The following LIPC variants were observed in gnomAD, a reference collection of about 807,000 sequenced individuals.
LIPC encodes lipase C, hepatic type, also known as hepatic triacylglycerol lipase.
A neutral mutation model predicts 50.7 loss-of-function variants in LIPC; 44 were observed. The ratio of observed to expected loss-of-function variants is 0.87; its 90% CI spans 0.68 to 1.11. The LOEUF (loss-of-function observed/expected upper bound fraction) is 1.11. Ranked by LOEUF, LIPC falls within the 50% of genes most tolerant of loss-of-function variation. The pLI is 0.00. For missense variants in LIPC, 697 were observed against 648.2 expected (o/e 1.08, Z -0.82); for synonymous variants, 271 against 256.4 (o/e 1.06, Z -0.54).
chr15:58,457,565 A>T (rs1566913734), intron 1 of LIPC, among the ~76,000 whole-genome samples: 1 of 152,164 alleles, frequency 6.6e-6, no homozygotes. Context: ...AGCATGTAAG[A>T]CCACTTCTGC....
rs1263847321 is a variant in LIPC, at chr15:58,565,916, A to C, written c.1388+2193A>C. 3.0e-3 allele frequency: 2,721 copies of C among 895,796 alleles called. 2 individuals carry two copies. The highest frequency in any genetic ancestry group is 3.3e-3 in the Non-Finnish European group (2,489 of 747,842). 55.5% of individuals were successfully genotyped at this position (895,796 alleles called of 1,614,324 possible). On this transcript the variant is annotated intron_variant, in intron 8 of 8. Transcript: ENST00000299022. ...TGCCAGGTACTATCGGAGAATACAAAAAAAAAAAAAAAAATCTGAGTTGTG... is the reference window on the plus strand; with the variant it reads ...TGCCAGGTACTATCGGAGAATACAACAAAAAAAAAAAAAATCTGAGTTGTG...
intron 6 of LIPC, among the ~76,000 whole-genome samples, chr15:58,554,939 C>T (rs1363119377): frequency 1.3e-5 from 2 of 152,200 alleles, no homozygotes; most frequent in South Asian, 2.1e-4. Flanking sequence ...GCCATCAGCG[C>T]AGGTTCCGTC....
chr15:58,467,033 TAATA>T (rs1894592746), intron 1 of LIPC, among the ~76,000 whole-genome samples: 1 of 152,228 alleles, frequency 6.6e-6, no homozygotes, highest in African/African-American at 2.4e-5. Context: ...TACTTATATA[TAATA>T]GTTATAACTT....
chr15:58,553,616 A>G (rs563547955), intron 6 of LIPC, among the ~76,000 whole-genome samples: 1 of 152,318 alleles, frequency 6.6e-6, no homozygotes, highest in South Asian at 2.1e-4. Flanking sequence ...TTAATTTTAA[A>G]AAGAAAGGGG....
At position 58,544,860 on chromosome 15, in the gene LIPC, A is replaced by G. The variant is rs575883862; in HGVS notation, c.575-882A>G. Among the ~76,000 whole-genome samples the G allele has an allele frequency of 1.6e-4, 25 of 152,254 alleles. No homozygotes were observed. In the East Asian group the frequency reaches 3.1e-3, roughly 19 times the overall value. On this transcript the variant is annotated intron_variant, in intron 4 of 8. Transcript: ENST00000299022. Reference sequence around the variant, plus strand: ...AGAGGAAGAAAGACAGGGAAAAAAAACTTGGAGCGCATAAATACTCCCCAA... The same window carrying G: ...AGAGGAAGAAAGACAGGGAAAAAAAGCTTGGAGCGCATAAATACTCCCCAA...
intron 1 of LIPC, among the ~76,000 whole-genome samples, chr15:58,433,693 T>TC (rs1345612154): frequency 2.0e-5 from 3 of 152,184 alleles, no homozygotes; most frequent in African/African-American, 7.2e-5. Flanking sequence ...AGGGATGGCC[T>TC]CCCCCAGGCT....
intron 1 of LIPC, among the ~76,000 whole-genome samples, chr15:58,469,064 A>AT (rs1894680780): frequency 1.3e-5 from 2 of 149,082 alleles, no homozygotes; most frequent in Non-Finnish European, 3.0e-5. Flanking sequence ...CCATAGTTCT[A>AT]TTTTTTTCTA....
intron 1 of LIPC, among the ~76,000 whole-genome samples, chr15:58,458,891 G>T (rs1230739043): frequency 6.6e-6 from 1 of 152,148 alleles, no homozygotes; most frequent in Non-Finnish European, 1.5e-5. Flanking sequence ...ATTAAGTTGT[G>T]CGTTAAGTGG....
At chr15:58,457,636 C>G (rs1894181470) in intron 1 of LIPC, among the ~76,000 whole-genome samples, 1 of 152,218 alleles carries the variant, frequency 6.6e-6, no homozygotes, top group South Asian at 2.1e-4. Context: ...TTCTATGACT[C>G]AGGCCGCATC....
intron 1 of LIPC, among the ~76,000 whole-genome samples, chr15:58,505,324 C>A (rs1163397165): frequency 6.6e-6 from 1 of 152,212 alleles, no homozygotes; most frequent in Non-Finnish European, 1.5e-5. Context: ...TGGGATAATC[C>A]CCGTGTCTCA....
At chr15:58,443,876 A>C (rs1221062433) in intron 1 of LIPC, among the ~76,000 whole-genome samples, 1 of 152,182 alleles carries the variant, frequency 6.6e-6, no homozygotes, top group Non-Finnish European at 1.5e-5. Context: ...CACAAAGTAC[A>C]TTCTCAAGGG....
intron 1 of LIPC, among the ~76,000 whole-genome samples, chr15:58,495,259 G>A (rs1421927571): frequency 6.6e-6 from 1 of 152,200 alleles, no homozygotes; most frequent in Non-Finnish European, 1.5e-5. Context: ...TTGAAAGACT[G>A]GGTGATTCTA....
At chr15:58,499,051 G>C (rs1371011666) in intron 1 of LIPC, among the ~76,000 whole-genome samples, 2 of 152,214 alleles carry the variant, frequency 1.3e-5, no homozygotes, top group Non-Finnish European at 2.9e-5. Context: ...GGCAGAGCAG[G>C]ATTACTCGGC....
chr15:58,472,294 GA>G (rs1178884755), intron 1 of LIPC, among the ~76,000 whole-genome samples: 3 of 91,966 alleles, frequency 3.3e-5, no homozygotes, highest in African/African-American at 1.2e-4. Flanking sequence ...AAAAAAAAAA[GA>G]AATCTTAGCA....
chr15:58,447,147 C>CAA lies in LIPC; in HGVS notation c.88+15050_88+15051dup, dbSNP rs34289431. On this transcript the variant is annotated intron_variant, in intron 1 of 8. Transcript: ENST00000299022. ...TGGACAACAGAGCTAGACTCCATCT[C>CAA]AAAAAAAAAAAAAAAAAAAAAAAAG... Among the ~76,000 whole-genome samples the CAA allele has an allele frequency of 7.5e-3, 468 of 62,294 alleles. 7 individuals are homozygous for CAA. Among genetic ancestry groups the CAA allele is most frequent in the African/African-American group, 0.025 (427 of 17,158 alleles). 40.9% of individuals were successfully genotyped at this position (62,294 alleles called of 152,430 possible).
Position 58,565,028 on chromosome 15 carries a change from T to C in LIPC, c.1388+1305T>C, listed in dbSNP as rs894554367. Reference sequence around the variant, plus strand: ...GTTTCTAACCTCTGAACTACCCTCTTCCGTCACCCCCTGGGTTTCACTGCC... The same window carrying C: ...GTTTCTAACCTCTGAACTACCCTCTCCCGTCACCCCCTGGGTTTCACTGCC... On this transcript the variant is annotated intron_variant, in intron 8 of 8. Transcript: ENST00000299022. 10 of 633,146 alleles carry C rather than the reference T, an allele frequency of 1.6e-5. 1 individual carries two copies. Among genetic ancestry groups the C allele is most frequent in the Middle Eastern group, 2.9e-4 (1 of 3,420 alleles). The allele number at this position is 633,146 out of a possible 1,614,324, so 39.2% of individuals were successfully genotyped here. A position where few individuals can be genotyped will look rare whatever the true frequency, so the allele number is the denominator to read the frequency against.
rs529250914 is a variant in LIPC at position 58,475,797 on chromosome 15, C to G, written c.88+43677C>G. Among the ~76,000 whole-genome samples the G allele has an allele frequency of 7.2e-5, 11 of 152,328 alleles. No individual in the cohort carries two copies. In the East Asian group the frequency reaches 2.1e-3, roughly 29 times the overall value. On this transcript the variant is annotated intron_variant, in intron 1 of 8. Coordinates refer to ENST00000299022, the MANE Select transcript of LIPC (RefSeq NM_000236.3). ...TCCCCATGGAAGCAGCAGCTCAGGG[C>G]AGGGTCCAGACTTGGGCAGACTTAA...
chr15:58,542,275 G>A (rs769073616), intron 3 of LIPC, among the ~76,000 whole-genome samples: 9 of 152,186 alleles, frequency 5.9e-5, no homozygotes, highest in Non-Finnish European at 7.3e-5. Context: ...ACACAAATGA[G>A]TGGGATCACT....
At chr15:58,564,528 G>C (rs1894292238) in intron 8 of LIPC, among the ~76,000 whole-genome samples, 1 of 151,722 alleles carries the variant, frequency 6.6e-6, no homozygotes, top group Admixed American at 6.6e-5. Context: ...AGGAGTTCAA[G>C]ACCAGCCTGG....
Sources: allele counts gnomAD v4.1 joint callset (sites outside exome capture counted in the v4.1 genomes callset), GRCh38; gene constraint gnomAD v4.1.1; transcripts MANE v1.5; gene names NCBI Gene and HGNC (gene_info 2026-07-23, HGNC 2026-07-21).